The following PRKCA variants were observed in gnomAD, a reference collection of about 807,000 sequenced individuals.
PRKCA encodes protein kinase C alpha.
Under a neutral mutation model 87.0 loss-of-function variants are expected in PRKCA, and 27 were observed. That is an observed-to-expected ratio of 0.31 (90% CI 0.23 to 0.43). The LOEUF (loss-of-function observed/expected upper bound fraction) is 0.43. Among genes scored for constraint, PRKCA ranks in the 20% least tolerant of loss-of-function variants. The pLI is 1.00. For synonymous variants in PRKCA, 329 were observed against 311.1 expected, an observed-to-expected ratio of 1.06 and a Z score of -0.61; for missense variants, 518 against 852.3, an observed-to-expected ratio of 0.61 and a Z score of 4.88.
intron 2 of PRKCA, among the ~76,000 whole-genome samples, chr17:66,318,774 G>GA (rs1330333463): frequency 6.6e-6 from 1 of 151,858 alleles, no homozygotes; most frequent in Non-Finnish European, 1.5e-5. Context: ...AGAATTGCTT[G>GA]AACCCGGGAG....
chr17:66,759,165 T>C (rs949700199), intron 13 of PRKCA, among the ~76,000 whole-genome samples: 5 of 151,856 alleles, frequency 3.3e-5, no homozygotes, highest in African/African-American at 4.8e-5. Context: ...CCATCCTGGC[T>C]AACAAGGTGA....
At chr17:66,733,312 A>G (rs910548137) in intron 9 of PRKCA, among the ~76,000 whole-genome samples, 3 of 152,162 alleles carry the variant, frequency 2.0e-5, no homozygotes. Context: ...CTTTGAGGAG[A>G]GAAAGGGCAG....
At chr17:66,520,266 G>T (rs904781561) in intron 3 of PRKCA, among the ~76,000 whole-genome samples, 3 of 151,914 alleles carry the variant, frequency 2.0e-5, no homozygotes, top group South Asian at 4.2e-4. Context: ...GATTACGGGT[G>T]CCTACCACCA....
intron 5 of PRKCA, among the ~76,000 whole-genome samples, chr17:66,666,079 G>T (rs1279207070): frequency 6.6e-6 from 1 of 152,204 alleles, no homozygotes; most frequent in East Asian, 1.9e-4. Context: ...GTGACTTGAT[G>T]AGAGCAATCA....
At chr17:66,613,103 A>G (rs1472157609) in intron 3 of PRKCA, among the ~76,000 whole-genome samples, 1 of 152,228 alleles carries the variant, frequency 6.6e-6, no homozygotes, top group African/African-American at 2.4e-5. Context: ...TCTAATTAGC[A>G]GCTGTTCATT....
At chr17:66,800,026 G>A (rs1285366248) in intron 16 of PRKCA, among the ~76,000 whole-genome samples, 1 of 152,072 alleles carries the variant, frequency 6.6e-6, no homozygotes, top group Non-Finnish European at 1.5e-5. Flanking sequence ...GCCCTTCCAG[G>A]CTTTCTTCCG....
intron 16 of PRKCA, among the ~76,000 whole-genome samples, chr17:66,793,986 A>G (rs962888031): frequency 6.6e-6 from 1 of 152,246 alleles, no homozygotes; most frequent in Non-Finnish European, 1.5e-5. Flanking sequence ...CAGTTTATAC[A>G]AATACCAGGA....
At chr17:66,579,052 C>T (rs1329861450) in intron 3 of PRKCA, among the ~76,000 whole-genome samples, 1 of 152,226 alleles carries the variant, frequency 6.6e-6, no homozygotes, top group African/African-American at 2.4e-5. Context: ...GTGGTGGCTG[C>T]TGCTTTCTGC....
At chr17:66,647,002 C>T (rs184090158) in intron 5 of PRKCA, among the ~76,000 whole-genome samples, 167 of 152,274 alleles carry the variant, frequency 1.1e-3, no homozygotes, top group African/African-American at 2.6e-3. Context: ...TTGTCACCTG[C>T]ATTTCTTTTT....
chr17:66,748,732 C>A (rs2144256695), intron 13 of PRKCA, among the ~76,000 whole-genome samples: 1 of 152,194 alleles, frequency 6.6e-6, no homozygotes, highest in East Asian at 1.9e-4. Flanking sequence ...AGAAAGTGGA[C>A]AGTCACTCCC....
chr17:66,684,979 T>C (rs1972586402), intron 5 of PRKCA, among the ~76,000 whole-genome samples: 1 of 152,234 alleles, frequency 6.6e-6, no homozygotes, highest in African/African-American at 2.4e-5. Flanking sequence ...TTGGTGATAC[T>C]CAGGGTTGAT....
chr17:66,607,837 C>T (rs1227995686), intron 3 of PRKCA, among the ~76,000 whole-genome samples: 4 of 152,050 alleles, frequency 2.6e-5, no homozygotes, highest in South Asian at 2.1e-4. Flanking sequence ...ATTCAGTGGA[C>T]GTTGTCATTT....
At chr17:66,687,888 T>C (rs1567976530) in intron 6 of PRKCA, among the ~76,000 whole-genome samples, 1 of 152,178 alleles carries the variant, frequency 6.6e-6, no homozygotes, top group Non-Finnish European at 1.5e-5. Flanking sequence ...GGAAGCAGTT[T>C]TTCTGTGGAC....
At chr17:66,374,482 G>C (rs1909302254) in intron 2 of PRKCA, among the ~76,000 whole-genome samples, 1 of 152,106 alleles carries the variant, frequency 6.6e-6, no homozygotes, top group Non-Finnish European at 1.5e-5. Context: ...GCGTCACCAT[G>C]GCATCAGCCC....
chr17:66,679,851 T>A (rs1972442015), intron 5 of PRKCA, among the ~76,000 whole-genome samples: 1 of 152,222 alleles, frequency 6.6e-6, no homozygotes, highest in Non-Finnish European at 1.5e-5. Context: ...GCTCAGCTAC[T>A]CATTAGCTTT....
chr17:66,706,224 G>T (rs1419896468), intron 8 of PRKCA, among the ~76,000 whole-genome samples: 2 of 152,290 alleles, frequency 1.3e-5, no homozygotes, highest in Non-Finnish European at 2.9e-5. Context: ...TCCTGTGGTC[G>T]TAAAGACAGC....
intron 3 of PRKCA, among the ~76,000 whole-genome samples, chr17:66,602,560 G>A (rs1282236000): frequency 6.6e-6 from 1 of 152,142 alleles, no homozygotes; most frequent in Non-Finnish European, 1.5e-5. Context: ...CTGTAGACCG[G>A]AGCTGTTCCT....
intron 10 of PRKCA, among the ~76,000 whole-genome samples, chr17:66,736,320 C>G (rs1974025158): frequency 6.6e-6 from 1 of 151,814 alleles, no homozygotes. Context: ...CTCTCTTCCC[C>G]AGGCTGGAGT....
intron 2 of PRKCA, among the ~76,000 whole-genome samples, chr17:66,461,079 G>A (rs941516812): frequency 6.6e-6 from 1 of 151,802 alleles, no homozygotes; most frequent in East Asian, 1.9e-4. Flanking sequence ...GATAGTACAC[G>A]CCTGTAGTTC....
Sources: gnomAD v4.1 joint callset for allele counts (sites outside exome capture counted in the v4.1 genomes callset) on GRCh38, gnomAD v4.1.1 for gene constraint, MANE v1.5 for transcripts, NCBI Gene and HGNC (gene_info 2026-07-23, HGNC 2026-07-21) for gene names.